PCDH9: variants seen among roughly 807,000 people sequenced by gnomAD.
PCDH9 encodes protocadherin-9.
PCDH9 carries 24 observed loss-of-function variants against 70.6 expected under a neutral mutation model. The ratio of observed to expected loss-of-function variants is 0.34; its 90% CI spans 0.25 to 0.48. PCDH9 has a LOEUF of 0.48. Ranked by LOEUF, PCDH9 falls within the 20% of genes least tolerant of loss-of-function variation. PCDH9 has a pLI of 0.99. For missense variants in PCDH9, 1,281 were observed against 1,503.6 expected (o/e 0.85, Z 2.45); for synonymous variants, 562 against 558.5 (o/e 1.01, Z -0.09).
intron 2 of PCDH9, among the ~76,000 whole-genome samples, chr13:66,910,030 C>T (rs1228730805): frequency 6.6e-6 from 1 of 152,072 alleles, no homozygotes; most frequent in Non-Finnish European, 1.5e-5. Flanking sequence ...TATGTAAGTC[C>T]TCTTCTGTCC....
rs1036006531 is a variant in PCDH9, at chr13:66,600,874, C to T, written c.3340+30336G>A. Among the ~76,000 whole-genome samples the T allele has an allele frequency of 3.5e-5, 5 of 143,922 alleles. 1 individual carries two copies. Among genetic ancestry groups the T allele is most frequent in the Non-Finnish European group, 7.8e-5 (5 of 64,124 alleles). 94.4% of individuals were successfully genotyped at this position (143,922 alleles called of 152,430 possible). ...GCATAAAGGCAAATTACACACAAGT[C>T]CCAGGGAACACTCTAATTTGCTTGA... On this transcript the variant is annotated intron_variant, in intron 4 of 4. Coordinates refer to ENST00000377865, the MANE Select transcript of PCDH9 (RefSeq NM_203487.3).
At chr13:66,385,332 G>A (rs751722156) in intron 4 of PCDH9, among the ~76,000 whole-genome samples, 5 of 152,172 alleles carry the variant, frequency 3.3e-5, no homozygotes, top group Admixed American at 6.5e-5. Flanking sequence ...AGCATATTTT[G>A]TGGGTCATGA....
intron 3 of PCDH9, among the ~76,000 whole-genome samples, chr13:66,811,881 T>A (rs2080515136): frequency 6.6e-6 from 1 of 151,970 alleles, no homozygotes. Flanking sequence ...CAAGCCTAGC[T>A]AAAGTAAGTA....
intron 3 of PCDH9, among the ~76,000 whole-genome samples, chr13:66,751,508 G>C (rs966977629): frequency 6.6e-6 from 1 of 152,164 alleles, no homozygotes; most frequent in African/African-American, 2.4e-5. Context: ...GACTAAGTAA[G>C]TTCATGTACC....
chr13:66,606,879 T>C (rs2077228583), intron 4 of PCDH9, among the ~76,000 whole-genome samples: 1 of 152,118 alleles, frequency 6.6e-6, no homozygotes, highest in Non-Finnish European at 1.5e-5. Flanking sequence ...TCTGAGCCAC[T>C]GTATTATTGT....
intron 4 of PCDH9, among the ~76,000 whole-genome samples, chr13:66,575,555 C>T (rs537844016): frequency 2.6e-5 from 4 of 152,242 alleles, no homozygotes; most frequent in African/African-American, 4.8e-5. Flanking sequence ...TCAGTGAGTA[C>T]GCTCCAAACA....
intron 2 of PCDH9, among the ~76,000 whole-genome samples, chr13:67,164,342 C>T (rs149115753): frequency 1.3e-5 from 2 of 151,876 alleles, no homozygotes; most frequent in African/African-American, 2.4e-5. Flanking sequence ...TTTGGGAGGC[C>T]GAGATGGGTG....
At chr13:66,880,884 TGTG>T (rs2081910390) in intron 3 of PCDH9, among the ~76,000 whole-genome samples, 1 of 152,214 alleles carries the variant, frequency 6.6e-6, no homozygotes, top group South Asian at 2.1e-4. Flanking sequence ...AGTGTGATGT[TGTG>T]GTAACAATTG....
At chr13:66,333,168 T>G (rs916818908) in intron 4 of PCDH9, among the ~76,000 whole-genome samples, 3 of 152,102 alleles carry the variant, frequency 2.0e-5, no homozygotes, top group Admixed American at 6.6e-5. Flanking sequence ...ATGAGGAGCT[T>G]TTATCTAAGG....
At chr13:66,719,703 C>T (rs1388627847) in intron 3 of PCDH9, among the ~76,000 whole-genome samples, 2 of 152,064 alleles carry the variant, frequency 1.3e-5, no homozygotes, top group African/African-American at 2.4e-5. Flanking sequence ...AAGGAGATAG[C>T]CAAACGTTTG....
intron 2 of PCDH9, among the ~76,000 whole-genome samples, chr13:67,061,188 C>A (rs1020212902): frequency 4.6e-5 from 7 of 152,018 alleles, no homozygotes; most frequent in African/African-American, 1.7e-4. Context: ...TTCCTCCCCA[C>A]CCCAAATCTC....
chr13:67,095,883 C>T (rs2086309295), intron 2 of PCDH9, among the ~76,000 whole-genome samples: 1 of 152,028 alleles, frequency 6.6e-6, no homozygotes, highest in African/African-American at 2.4e-5. Flanking sequence ...TCAAAAGAAA[C>T]AATTAAATAG....
intron 4 of PCDH9, among the ~76,000 whole-genome samples, chr13:66,619,711 G>A (rs1175370166): frequency 3.3e-5 from 5 of 152,042 alleles, no homozygotes; most frequent in African/African-American, 4.8e-5. Flanking sequence ...GTTCTTAATC[G>A]CATTTCTACA....
At chr13:66,455,193 T>A (rs1958294793) in intron 4 of PCDH9, among the ~76,000 whole-genome samples, 1 of 151,802 alleles carries the variant, frequency 6.6e-6, no homozygotes, top group African/African-American at 2.4e-5. Context: ...TTATTTCAGT[T>A]CTCTTAATCT....
At chr13:67,104,346 C>T (rs1046556556) in intron 2 of PCDH9, among the ~76,000 whole-genome samples, 1 of 152,088 alleles carries the variant, frequency 6.6e-6, no homozygotes, top group African/African-American at 2.4e-5. Context: ...CTCTTAGACA[C>T]GTGGAGCATT....
chr13:67,103,593 T>A (rs1293881091), intron 2 of PCDH9, among the ~76,000 whole-genome samples: 2 of 152,164 alleles, frequency 1.3e-5, no homozygotes, highest in Admixed American at 6.5e-5. Context: ...AAGCAAAGAC[T>A]TTTTTCTTTT....
intron 2 of PCDH9, among the ~76,000 whole-genome samples, chr13:67,067,396 A>C (rs1190595397): frequency 6.6e-6 from 1 of 152,126 alleles, no homozygotes; most frequent in Non-Finnish European, 1.5e-5. Flanking sequence ...TATATAACAT[A>C]TTATGAATGA....
At chr13:67,207,389 A>C (rs1208456718) in intron 2 of PCDH9, 2 of 152,210 alleles carry the variant, frequency 1.3e-5, no homozygotes, top group Non-Finnish European at 2.9e-5. Context: ...GACCTGAAGC[A>C]AATCATTCAA....
At chr13:66,722,641 T>C (rs2078956130) in intron 3 of PCDH9, among the ~76,000 whole-genome samples, 1 of 152,018 alleles carries the variant, frequency 6.6e-6, no homozygotes, top group South Asian at 2.1e-4. Flanking sequence ...ATTTTCTTCT[T>C]TGTGGACAAA....
Sources: allele counts gnomAD v4.1 joint callset (sites outside exome capture counted in the v4.1 genomes callset), GRCh38; gene constraint gnomAD v4.1.1; transcripts MANE v1.5; gene names NCBI Gene and HGNC (gene_info 2026-07-23, HGNC 2026-07-21).